Variants in GP2 observed in about 807,000 individuals in gnomAD.
GP2 encodes the protein glycoprotein 2.
Under a neutral mutation model 60.8 loss-of-function variants are expected in GP2, and 58 were observed. The observed-to-expected ratio is 0.95, with a 90% CI of 0.77 to 1.19. GP2 has a LOEUF of 1.19. Ranked by LOEUF, GP2 falls within the 50% of genes most tolerant of loss-of-function variation. GP2 has a pLI of 0.00. For synonymous variants in GP2, 280 were observed against 253.4 expected, an observed-to-expected ratio of 1.10 and a Z score of -1.00; for missense variants, 647 against 667.4, an observed-to-expected ratio of 0.97 and a Z score of 0.34.
chr16:20,314,666 T>G lies in GP2; in HGVS notation c.1537A>C (p.Ser513Arg). The change falls in exon 10 of 11, where the codon AGC becomes CGC. Residue 513 changes from serine to arginine, a missense_variant. Transcript: ENST00000302555. ...QSPGVMNGTPSTAGFLVAWPM... is the reference protein window; with the variant it reads ...QSPGVMNGTPRTAGFLVAWPM... ...TGAGAAAATGATGTACCTGCAGTGC[T>G]AGGGGTTCCATTCATGACACCGGGA... is the stretch of plus-strand genomic sequence containing the variant. The G allele has an allele frequency of 6.2e-7, 1 of 1,600,994 alleles. No individual in the cohort carries two copies. Among genetic ancestry groups the G allele is most frequent in the African/African-American group, 1.3e-5 (1 of 74,752 alleles).
At chr16:20,319,149 C>T (rs1964272072) in intron 6 of GP2, among the ~76,000 whole-genome samples, 2 of 152,108 alleles carry the variant, frequency 1.3e-5, no homozygotes, top group East Asian at 1.9e-4. Context: ...TTAAATCTCA[C>T]GTCTGCAGGG....
chr16:20,318,117 T>G, intron 7 of GP2, 68 bp downstream of exon 7: 1 of 1,289,464 alleles, frequency 7.8e-7, no homozygotes. Flanking sequence ...CTGCTGGGGA[T>G]GGATGAGATG....
intron 10 of GP2, among the ~76,000 whole-genome samples, chr16:20,313,493 T>A (rs1964060387): frequency 6.6e-6 from 1 of 152,214 alleles, no homozygotes; most frequent in African/African-American, 2.4e-5. Flanking sequence ...CAATGAATTA[T>A]TGATGTTCCC....
In GP2 at chr16:20,323,979, G is replaced by C. The variant is rs1468925157; in HGVS notation, c.372C>G (p.Thr124=). 2.5e-6 allele frequency: 4 copies of C among 1,614,146 alleles called. No individual in the cohort carries two copies. In the South Asian group the frequency reaches 3.3e-5, roughly 13 times the overall value. The part of the protein sequence containing the change: ...QTDAPMWLNG[T]HPALGDGITN... The stretch of plus-strand genomic sequence containing the variant: ...TGATGCCATCCCCAAGGGCAGGGTG[G>C]GTCCCATTCAGCCACATGGGAGCGT... The change falls in exon 3 of 11, where the codon ACC becomes ACG. Residue 124 remains threonine (T), a synonymous_variant. Transcript: ENST00000302555.
At position 20,311,286 on chromosome 16, in the gene GP2, A is replaced by C. The variant is rs754564154; in HGVS notation, c.1547-5T>G. ...TAGGCCAGGCCACCAGGAACCCTGAAATACAAGAAATATGACTGTCAAGTG... is the reference window on the plus strand; with the variant it reads ...TAGGCCAGGCCACCAGGAACCCTGACATACAAGAAATATGACTGTCAAGTG... On this transcript the variant is annotated splice_region_variant and splice_polypyrimidine_tract_variant and intron_variant, in intron 10 of 10. Transcript: ENST00000302555. 1 of 1,579,540 alleles carries C rather than the reference A, an allele frequency of 6.3e-7. No individual in the cohort carries two copies. Among genetic ancestry groups the C allele is most frequent in the South Asian group, 1.1e-5 (1 of 90,400 alleles).
At position 20,319,365 on chromosome 16, in the gene GP2, A is replaced by G. The variant is rs181662951; in HGVS notation, c.1007+255T>C. Among the ~76,000 whole-genome samples the G allele has an allele frequency of 4.4e-3, 665 of 152,330 alleles. 11 individuals carry two copies. The highest frequency in any genetic ancestry group is 8.8e-4 in the Non-Finnish European group (60 of 68,030). On this transcript the variant is annotated intron_variant, in intron 6 of 10. Coordinates refer to ENST00000302555, the MANE Select transcript of GP2 (RefSeq NM_001502.4). ...GTTTTTGTTTTCTAGCACATTTAGTAAGCACTGTTTCATGTTGCTGCATTG... is the reference window on the plus strand; with the variant it reads ...GTTTTTGTTTTCTAGCACATTTAGTGAGCACTGTTTCATGTTGCTGCATTG...
At chr16:20,325,038 A>G (rs555829867) in intron 2 of GP2, among the ~76,000 whole-genome samples, 1 of 152,368 alleles carries the variant, frequency 6.6e-6, no homozygotes, top group Non-Finnish European at 1.5e-5. Flanking sequence ...CACTGATCTA[A>G]CAAGACCATT....
intron 2 of GP2, among the ~76,000 whole-genome samples, chr16:20,324,579 T>A (rs573512070): frequency 6.0e-4 from 91 of 152,286 alleles, no homozygotes; most frequent in African/African-American, 2.0e-3. Flanking sequence ...TCATTATAAA[T>A]GTAATACAGG....
intron 5 of GP2, 49 bp downstream of exon 5, chr16:20,320,213 A>T (rs1200879754): frequency 7.4e-7 from 1 of 1,348,352 alleles, no homozygotes; most frequent in Non-Finnish European, 1.1e-6. Flanking sequence ...GATAGGTCCC[A>T]TCAGCCCAAC....
rs1190980524 is a variant in GP2 at position 20,310,201 on chromosome 16, G to GT, written c.*1021dup. 2 of 152,226 alleles carry GT rather than the reference G, an allele frequency of 1.3e-5. No individual in the cohort carries two copies. Among genetic ancestry groups the GT allele is most frequent in the Non-Finnish European group, 2.9e-5 (2 of 68,060 alleles). The allele number at this position is 152,226 out of a possible 1,614,324, so 9.4% of individuals were successfully genotyped here. A position where few individuals can be genotyped will look rare whatever the true frequency, so the allele number is the denominator to read the frequency against. ...ATAGCAGGACTGGTGCATTGCTTCT[G>GT]TTGGGACTTCTTGCTTAATCCTTCA... On this transcript the variant is annotated 3_prime_UTR_variant, in exon 11 of 11. Transcript: ENST00000302555.
intron 10 of GP2, 28 bp downstream of exon 10, chr16:20,314,629 G>A (rs1292219416): frequency 6.7e-7 from 1 of 1,500,234 alleles, no homozygotes; most frequent in Admixed American, 1.7e-5. Flanking sequence ...TGGGAAAGCT[G>A]TGGGAAAGGC....
chr16:20,322,049 C>A (rs1222558881), intron 4 of GP2, among the ~76,000 whole-genome samples: 1 of 152,172 alleles, frequency 6.6e-6, no homozygotes, highest in Non-Finnish European at 1.5e-5. Context: ...TGTTCCCTAC[C>A]CCTCATTTCC....
At position 20,326,396 on chromosome 16, in the gene GP2, G is replaced by T. The variant is rs1964536173; in HGVS notation, c.36C>A (p.Gly12=). 6.2e-7 allele frequency: 1 copy of T among 1,613,244 alleles called. No homozygotes were observed. The highest frequency in any genetic ancestry group is 1.3e-5 in the African/African-American group (1 of 74,912). Residue 12 remains glycine (G), a synonymous_variant, in exon 2 of 11, where the codon GGC becomes GGA. Coordinates refer to ENST00000302555, the MANE Select transcript of GP2 (RefSeq NM_001502.4). The part of the protein sequence containing the change: ...PHLMERMVGS[G]LLWLALVSCI... ...AGGAGACCAAGGCCAGCCACAGGAG[G>T]CCAGAGCCCACCATCCTTTCCATAA...
In GP2 at chr16:20,318,233, G is replaced by T. The variant is rs1964245057; in HGVS notation, c.1205C>A (p.Pro402His). 6.2e-7 allele frequency: 1 copy of T among 1,612,254 alleles called. No homozygotes were observed. Among genetic ancestry groups the T allele is most frequent in the Admixed American group, 1.7e-5 (1 of 60,018 alleles). Residue 402 changes from proline to histidine, a missense_variant, in exon 7 of 11, where the codon CCC becomes CAC. By Grantham distance (77) the Pro-to-His change is moderately conservative (BLOSUM62 -2). Transcript: ENST00000302555. ...CACAAGGTCAGCCTTGTCTTCAGTG[G>T]GGGTGGCATAGCAGTTCCTCAACAC... ...NLVLRNCYAT[P>H]TEDKADLVKY...
Position 20,315,938 on chromosome 16 carries a change from T to C in GP2, c.1501+18A>G. 1 of 1,546,590 alleles carries C rather than the reference T, an allele frequency of 6.5e-7. No individual in the cohort carries two copies. The highest frequency in any genetic ancestry group is 1.1e-5 in the South Asian group (1 of 89,728). ...ACACTCAGCCAGCTGGTCTTGTCAC[T>C]GGGATTTGGCCACTTACCTCTCCGA... On this transcript the variant is annotated intron_variant, in intron 9 of 10. Transcript: ENST00000302555.
intron 8 of GP2, among the ~76,000 whole-genome samples, 162 bp downstream of exon 8, chr16:20,317,051 C>T (rs1237834460): frequency 1.3e-5 from 2 of 150,626 alleles, no homozygotes; most frequent in Non-Finnish European, 3.0e-5. Flanking sequence ...CTTCCCTTCC[C>T]GTTCTCTTTC....
rs1258841751 is a variant in GP2 at position 20,318,378 on chromosome 16, G to A, written c.1060C>T (p.Leu354Phe). Residue 354 changes from leucine (L) to phenylalanine (F), a missense_variant, in exon 7 of 11, where the codon CTC becomes TTC. By Grantham distance (22) the Leu-to-Phe change is conservative (BLOSUM62 0). Coordinates refer to ENST00000302555, the MANE Select transcript of GP2 (RefSeq NM_001502.4). ...TTCGTGTAGTTCTGGTCTTGGAAGA[G>A]GGCCATCCTGACAATGAACTCTCCA... ...GNGEFIVRMA[L>F]FQDQNYTNPY... The A allele has an allele frequency of 1.2e-6, 2 of 1,612,284 alleles. No individual in the cohort carries two copies. The highest frequency in any genetic ancestry group is 8.5e-7 in the Non-Finnish European group (1 of 1,178,488).
At chr16:20,320,127 C>A in intron 5 of GP2, 135 bp downstream of exon 5, 1 of 659,216 alleles carries the variant, frequency 1.5e-6, no homozygotes, top group Admixed American at 2.6e-5. Flanking sequence ...TTTATGTAAA[C>A]CAACTTGTGC....
chr16:20,319,703 G>A lies in GP2; in HGVS notation c.924C>T (p.Asp308=). ...ATTGGAAGTTGATGTTGAGGATGGTGTCTCTGATGATGAAATCATTGACCA... is the reference window on the plus strand; with the variant it reads ...ATTGGAAGTTGATGTTGAGGATGGTATCTCTGATGATGAAATCATTGACCA... ...LSLVNDFIIR[D]TILNINFQCA... Residue 308 remains aspartate (D), a synonymous_variant, in exon 6 of 11, where the codon GAC becomes GAT. Coordinates refer to ENST00000302555, the MANE Select transcript of GP2 (RefSeq NM_001502.4). 1.2e-6 allele frequency: 2 copies of A among 1,607,964 alleles called. No individual in the cohort carries two copies. Among genetic ancestry groups the A allele is most frequent in the African/African-American group, 1.3e-5 (1 of 74,926 alleles).
Sources: gnomAD v4.1 joint callset for allele counts (sites outside exome capture counted in the v4.1 genomes callset) on GRCh38, gnomAD v4.1.1 for gene constraint, MANE v1.5 for transcripts, NCBI Gene and HGNC (gene_info 2026-07-23, HGNC 2026-07-21) for gene names.